The following EPHA6 variants were observed in gnomAD, a reference collection of about 807,000 sequenced individuals.
EPHA6 encodes the protein ephrin type-A receptor 6.
EPHA6 carries 50 observed loss-of-function variants against 112.0 expected under a neutral mutation model. The ratio of observed to expected loss-of-function variants is 0.45; its 90% CI spans 0.36 to 0.56. The LOEUF (loss-of-function observed/expected upper bound fraction) is 0.56. Among genes scored for constraint, EPHA6 ranks in the 20% least tolerant of loss-of-function variants. The probability of loss-of-function intolerance (pLI) is 0.00; values close to 1 mark genes in which losing one functional copy is unlikely to be tolerated. For missense variants in EPHA6, 1,280 were observed against 1,417.4 expected (o/e 0.90, Z 1.56); for synonymous variants, 529 against 490.7 (o/e 1.08, Z -1.03).
At chr3:97,512,766 T>G (rs913188625) in intron 10 of EPHA6, among the ~76,000 whole-genome samples, 6 of 152,136 alleles carry the variant, frequency 3.9e-5, no homozygotes, top group African/African-American at 1.4e-4. Flanking sequence ...GGTTTCACCA[T>G]GTAGGCCAGG....
At chr3:97,118,918 A>G (rs2047967735) in intron 3 of EPHA6, among the ~76,000 whole-genome samples, 1 of 151,948 alleles carries the variant, frequency 6.6e-6, no homozygotes, top group African/African-American at 2.4e-5. Flanking sequence ...CAAATGTTCT[A>G]GATTCTACTA....
At position 97,572,732 on chromosome 3, in the gene EPHA6, G is replaced by A. The variant is rs1026508444; in HGVS notation, c.2387-19880G>A. The stretch of plus-strand genomic sequence containing the variant: ...AAGAGACCAACTTTCCTGAGGTGAT[G>A]TCTTCCTTGTTTCCCCATTGTATGC... On this transcript the variant is annotated intron_variant, in intron 11 of 17. Coordinates refer to ENST00000389672, the MANE Select transcript of EPHA6 (RefSeq NM_001080448.3). 4 of 152,242 alleles carry A rather than the reference G, an allele frequency of 2.6e-5. No individual in the cohort carries two copies. In the East Asian group the frequency reaches 7.7e-4, roughly 29 times the overall value. The allele number at this position is 152,242 out of a possible 1,614,324, so 9.4% of individuals were successfully genotyped here.
intron 3 of EPHA6, among the ~76,000 whole-genome samples, chr3:97,032,651 T>C (rs1046023356): frequency 1.3e-5 from 2 of 151,918 alleles, no homozygotes; most frequent in Non-Finnish European, 2.9e-5. Flanking sequence ...CTTTCACCTG[T>C]GTGTGTAATC....
At chr3:97,411,855 G>T (rs1466755847) in intron 6 of EPHA6, among the ~76,000 whole-genome samples, 1 of 152,052 alleles carries the variant, frequency 6.6e-6, no homozygotes, top group Non-Finnish European at 1.5e-5. Flanking sequence ...TAAGCAAAGG[G>T]ATATGATCCA....
chr3:97,584,983 C>T (rs1270585988), intron 11 of EPHA6, among the ~76,000 whole-genome samples: 2 of 152,120 alleles, frequency 1.3e-5, no homozygotes, highest in Admixed American at 6.5e-5. Context: ...TGACCTCAAA[C>T]CTAGACATTT....
rs983862575 is a variant in EPHA6, at chr3:97,424,763, G to A, written c.1731+19489G>A. ...AGAGGTTGCAGTGAGCCGAGACCACGCCATTGCACTCCAGCTTGGGCAATA... is the reference window on the plus strand; with the variant it reads ...AGAGGTTGCAGTGAGCCGAGACCACACCATTGCACTCCAGCTTGGGCAATA... On this transcript the variant is annotated intron_variant, in intron 6 of 17. Coordinates refer to ENST00000389672, the MANE Select transcript of EPHA6 (RefSeq NM_001080448.3). Among the ~76,000 whole-genome samples, 8 of 144,702 alleles carry A rather than the reference G, an allele frequency of 5.5e-5. No homozygotes were observed. In the East Asian group the frequency reaches 8.1e-4, roughly 15 times the overall value. The allele number at this position is 144,702 out of a possible 152,430, so 94.9% of individuals were successfully genotyped here.
At chr3:97,433,326 C>T (rs1457928213) in intron 6 of EPHA6, among the ~76,000 whole-genome samples, 2 of 152,106 alleles carry the variant, frequency 1.3e-5, no homozygotes, top group Admixed American at 1.3e-4. Context: ...TTGATGAAGA[C>T]TCAAAATCTC....
chr3:97,683,612 A>G (rs1000430256), intron 14 of EPHA6, among the ~76,000 whole-genome samples: 4 of 152,130 alleles, frequency 2.6e-5, no homozygotes, highest in African/African-American at 9.7e-5. Context: ...TTTCTAGCTT[A>G]CTAAAAATTT....
intron 5 of EPHA6, among the ~76,000 whole-genome samples, chr3:97,282,658 A>G (rs2080325880): frequency 6.6e-6 from 1 of 152,200 alleles, no homozygotes; most frequent in South Asian, 2.1e-4. Flanking sequence ...GTGTAGCCAT[A>G]AAAAGGAACG....
At chr3:97,620,436 G>T (rs1296232949) in intron 13 of EPHA6, among the ~76,000 whole-genome samples, 1 of 151,934 alleles carries the variant, frequency 6.6e-6, no homozygotes, top group Non-Finnish European at 1.5e-5. Flanking sequence ...TCAAACTAAA[G>T]AGCTTCCACA....
intron 5 of EPHA6, among the ~76,000 whole-genome samples, chr3:97,303,689 CT>C (rs2081191576): frequency 6.6e-6 from 1 of 151,810 alleles, no homozygotes; most frequent in Non-Finnish European, 1.5e-5. Context: ...TAAAGGTGAC[CT>C]TTCAATTTAT....
At chr3:97,431,899 GCTC>G (rs2089533073) in intron 6 of EPHA6, among the ~76,000 whole-genome samples, 1 of 152,056 alleles carries the variant, frequency 6.6e-6, no homozygotes, top group African/African-American at 2.4e-5. Context: ...GTCCTTCTAA[GCTC>G]CTAAAACATG....
At chr3:96,866,731 G>T in intron 1 of EPHA6, 94 bp from the exon 2 acceptor site, 1 of 628,632 alleles carries the variant, frequency 1.6e-6, no homozygotes, top group South Asian at 2.6e-5. Flanking sequence ...AAGTGTAATT[G>T]ACATTAATGA....
intron 11 of EPHA6, among the ~76,000 whole-genome samples, chr3:97,532,801 G>A (rs1203111628): frequency 1.3e-5 from 2 of 151,920 alleles, no homozygotes; most frequent in African/African-American, 2.4e-5. Flanking sequence ...AAAGGGTTAT[G>A]TGTTTTTGCT....
intron 6 of EPHA6, among the ~76,000 whole-genome samples, chr3:97,424,133 C>A (rs1251987747): frequency 2.0e-5 from 3 of 152,296 alleles, no homozygotes; most frequent in African/African-American, 7.2e-5. Context: ...TCTTACATGG[C>A]AGCAGGCAAG....
intron 3 of EPHA6, among the ~76,000 whole-genome samples, chr3:97,032,685 G>T (rs1012794860): frequency 3.3e-5 from 5 of 151,830 alleles, no homozygotes; most frequent in African/African-American, 9.7e-5. Context: ...TGAACTTCTT[G>T]CTGATTCTTG....
chr3:96,898,421 A>G (rs964263323), intron 2 of EPHA6, among the ~76,000 whole-genome samples: 2 of 152,180 alleles, frequency 1.3e-5, no homozygotes, highest in African/African-American at 4.8e-5. Flanking sequence ...CGACCTCAGC[A>G]ATACCTTCCT....
At chr3:97,000,284 C>T (rs1220122667) in intron 3 of EPHA6, among the ~76,000 whole-genome samples, 21 of 105,916 alleles carry the variant, frequency 2.0e-4, no homozygotes, top group African/African-American at 8.8e-4. Context: ...CACACACACA[C>T]ACACACACAT....
intron 3 of EPHA6, among the ~76,000 whole-genome samples, chr3:97,010,661 T>C (rs2213251): frequency 0.11 from 15,965 of 152,040 alleles, 1,084 homozygotes; most frequent in African/African-American, 0.19. Context: ...TATTTTTATT[T>C]ATTTATTTAT....
Sources: allele counts gnomAD v4.1 joint callset (sites outside exome capture counted in the v4.1 genomes callset), GRCh38; gene constraint gnomAD v4.1.1; transcripts MANE v1.5; gene names NCBI Gene and HGNC (gene_info 2026-07-23, HGNC 2026-07-21).